The following DENND2B variants were observed in gnomAD, a reference collection of about 807,000 sequenced individuals.
DENND2B encodes DENN domain-containing protein 2B.
A neutral mutation model predicts 116.0 loss-of-function variants in DENND2B; 32 were observed. The observed-to-expected ratio is 0.28, with a 90% CI of 0.21 to 0.37. The LOEUF (loss-of-function observed/expected upper bound fraction) is 0.37, where lower values mean the gene tolerates loss of function less well. DENND2B is among the 10% of genes least tolerant of loss of function. The pLI, the probability that DENND2B is intolerant of heterozygous loss-of-function variation, is 1.00. For missense variants in DENND2B, 1,276 were observed against 1,477.7 expected (o/e 0.86, Z 2.24); for synonymous variants, 588 against 583.9 (o/e 1.01, Z -0.10).
At chr11:8,879,427 T>C (rs1180324633) in intron 2 of DENND2B, among the ~76,000 whole-genome samples, 2 of 152,204 alleles carry the variant, frequency 1.3e-5, no homozygotes, top group Non-Finnish European at 1.5e-5. Context: ...TAGCTCCTCC[T>C]GACTGATACA....
At chr11:8,838,020 G>A (rs956297790) in intron 4 of DENND2B, among the ~76,000 whole-genome samples, 8 of 152,248 alleles carry the variant, frequency 5.3e-5, no homozygotes, top group African/African-American at 1.9e-4. Context: ...ACAGCAAGCC[G>A]AGGCATGGAC....
intron 2 of DENND2B, among the ~76,000 whole-genome samples, chr11:8,733,433 C>A (rs544884813): frequency 1.3e-5 from 2 of 152,310 alleles, no homozygotes; most frequent in South Asian, 4.1e-4. Context: ...TTAGTGAGCA[C>A]CTACTCTGTG....
At chr11:8,795,913 C>T (rs1454984806) in intron 1 of DENND2B, among the ~76,000 whole-genome samples, 3 of 152,220 alleles carry the variant, frequency 2.0e-5, no homozygotes, top group Non-Finnish European at 4.4e-5. Context: ...ACCATCTGAA[C>T]AACACCCTGT....
intron 2 of DENND2B, among the ~76,000 whole-genome samples, chr11:8,749,846 A>G (rs1000066293): frequency 6.6e-6 from 1 of 152,206 alleles, no homozygotes; most frequent in South Asian, 2.1e-4. Context: ...AAAAGACTAA[A>G]GGTTCTTTTA....
chr11:8,821,430 TA>T (rs5789586), intron 4 of DENND2B, among the ~76,000 whole-genome samples: 6 of 147,052 alleles, frequency 4.1e-5, no homozygotes, highest in African/African-American at 5.0e-5. Context: ...CTACCAAAAA[TA>T]AAAAAAAAAA....
At chr11:8,891,876 C>G (rs776227598) in intron 1 of DENND2B, among the ~76,000 whole-genome samples, 9 of 152,238 alleles carry the variant, frequency 5.9e-5, no homozygotes, top group Non-Finnish European at 1.3e-4. Context: ...GAACTCAGCT[C>G]TGCACCAAGC....
At chr11:8,843,003 A>C (rs2062676860) in intron 3 of DENND2B, among the ~76,000 whole-genome samples, 1 of 119,386 alleles carries the variant, frequency 8.4e-6, no homozygotes, top group South Asian at 2.9e-4. Flanking sequence ...CTCCAAAATT[A>C]GAGTTGCTCT....
At chr11:8,778,911 T>C (rs2058046327) in intron 1 of DENND2B, among the ~76,000 whole-genome samples, 1 of 152,248 alleles carries the variant, frequency 6.6e-6, no homozygotes, top group Non-Finnish European at 1.5e-5. Context: ...CAGGCTAAGT[T>C]CTACTTTCAC....
At chr11:8,716,515 T>C (rs964837655) in intron 5 of DENND2B, among the ~76,000 whole-genome samples, 40 of 152,342 alleles carry the variant, frequency 2.6e-4, no homozygotes, top group African/African-American at 9.6e-4. Context: ...TGTCTGGTTC[T>C]GGAATTGCCT....
intron 1 of DENND2B, among the ~76,000 whole-genome samples, chr11:8,806,680 C>T (rs1472006396): frequency 7.0e-6 from 1 of 142,394 alleles, no homozygotes; most frequent in African/African-American, 2.6e-5. Flanking sequence ...AAATAGAGAG[C>T]TCAGGTGTTT....
At chr11:8,810,781 G>T (rs890996796), upstream of DENND2B, 3 of 149,064 alleles carry the variant, frequency 2.0e-5, no homozygotes, top group Non-Finnish European at 2.9e-5. Flanking sequence ...GCACAAGGGC[G>T]CTCTCTTTTT....
At chr11:8,862,586 T>C (rs1409410431) in intron 2 of DENND2B, among the ~76,000 whole-genome samples, 1 of 152,052 alleles carries the variant, frequency 6.6e-6, no homozygotes, top group Non-Finnish European at 1.5e-5. Flanking sequence ...CCACCTGCCA[T>C]GGGCTCCCAG....
intron 3 of DENND2B, among the ~76,000 whole-genome samples, chr11:8,841,358 G>A (rs2062617968): frequency 6.6e-6 from 1 of 152,134 alleles, no homozygotes; most frequent in Non-Finnish European, 1.5e-5. Flanking sequence ...GTGTGTTTTT[G>A]TGAAGCCAGG....
In DENND2B at chr11:8,751,028, G is replaced by C. The variant is rs1030932030; in HGVS notation, c.-25-303C>G. ...TATGTCTAGCTCAGGGTTTGTGGATGCACCAATCGGCACTCTGTATCTAGC... is the reference window on the plus strand; with the variant it reads ...TATGTCTAGCTCAGGGTTTGTGGATCCACCAATCGGCACTCTGTATCTAGC... On this transcript the variant is annotated intron_variant, in intron 1 of 19. Coordinates refer to ENST00000313726, the MANE Select transcript of DENND2B (RefSeq NM_213618.2). Among the ~76,000 whole-genome samples the C allele has an allele frequency of 1.3e-5, 2 of 151,920 alleles. 1 individual carries two copies. Among genetic ancestry groups the C allele is most frequent in the South Asian group, 4.2e-4 (2 of 4,810 alleles).
intron 1 of DENND2B, among the ~76,000 whole-genome samples, chr11:8,910,405 T>G (rs2064302623): frequency 6.6e-6 from 1 of 151,754 alleles, no homozygotes; most frequent in Non-Finnish European, 1.5e-5. Context: ...CATGATGTTT[T>G]TGTTTTGAGA....
At chr11:8,723,668 T>C (rs964824724) in intron 4 of DENND2B, among the ~76,000 whole-genome samples, 1 of 152,200 alleles carries the variant, frequency 6.6e-6, no homozygotes, top group Non-Finnish European at 1.5e-5. Flanking sequence ...CTTCCTTAAC[T>C]GCCCACCTGG....
chr11:8,825,985 A>T (rs1218269858), intron 4 of DENND2B, among the ~76,000 whole-genome samples: 1 of 152,198 alleles, frequency 6.6e-6, no homozygotes, highest in Non-Finnish European at 1.5e-5. Flanking sequence ...GTCTTGAATA[A>T]CATTTCAGAC....
chr11:8,788,163 G>GT (rs2059081541), intron 1 of DENND2B, among the ~76,000 whole-genome samples: 1 of 152,092 alleles, frequency 6.6e-6, no homozygotes, highest in Non-Finnish European at 1.5e-5. Flanking sequence ...TCCAAACCCT[G>GT]TAAGTGAAGT....
upstream of DENND2B, among the ~76,000 whole-genome samples, chr11:8,875,493 C>A (rs2063832344): frequency 6.6e-6 from 1 of 150,962 alleles, no homozygotes; most frequent in South Asian, 2.1e-4. Flanking sequence ...TGCAGTGGCA[C>A]AATCAGAGCT....
Sources: gnomAD v4.1 joint callset for allele counts (sites outside exome capture counted in the v4.1 genomes callset) on GRCh38, gnomAD v4.1.1 for gene constraint, MANE v1.5 for transcripts, NCBI Gene and HGNC (gene_info 2026-07-23, HGNC 2026-07-21) for gene names.